The following PDE7B variants were observed in gnomAD, a reference collection of about 807,000 sequenced individuals.
The protein encoded by PDE7B is phosphodiesterase 7B.
A neutral mutation model predicts 56.2 loss-of-function variants in PDE7B; 29 were observed. The observed-to-expected ratio is 0.52, with a 90% confidence interval of 0.38 to 0.70. The LOEUF (loss-of-function observed/expected upper bound fraction) is 0.70. Among genes scored for constraint, PDE7B ranks in the 30% least tolerant of loss-of-function variants. The pLI, the probability that PDE7B is intolerant of heterozygous loss-of-function variation, is 0.00. For synonymous variants in PDE7B, 197 were observed against 196.9 expected (o/e 1.00, Z 0.00); for missense variants, 490 against 565.0 (o/e 0.87, Z 1.35).
chr6:136,002,091 A>G (rs1415415309), intron 2 of PDE7B, among the ~76,000 whole-genome samples: 2 of 152,226 alleles, frequency 1.3e-5, no homozygotes, highest in Non-Finnish European at 2.9e-5. Context: ...TTTCATATCC[A>G]GTGAAACTAA....
At chr6:135,991,394 G>A (rs1349382690) in intron 2 of PDE7B, among the ~76,000 whole-genome samples, 4 of 145,434 alleles carry the variant, frequency 2.8e-5, no homozygotes, top group Non-Finnish European at 6.0e-5. Context: ...ACATCACGTT[G>A]TACACCACAA....
At chr6:135,949,259 T>C (rs1774652017) in intron 2 of PDE7B, among the ~76,000 whole-genome samples, 1 of 152,036 alleles carries the variant, frequency 6.6e-6, no homozygotes, top group African/African-American at 2.4e-5. Context: ...GACTGAATGT[T>C]TCTGTGTCCT....
rs144949624 is a variant in PDE7B, at chr6:135,925,085, C to T, written c.22-22379C>T. On this transcript the variant is annotated intron_variant, in intron 1 of 12. Transcript: ENST00000308191. ...TGAACATTTTTAATAGTTTATATGC[C>T]AACCTGTCTCAAGATATTATTCAAT... Among the ~76,000 whole-genome samples the T allele has an allele frequency of 7.9e-3, 1,187 of 150,658 alleles. 12 individuals carry two copies. Among genetic ancestry groups the T allele is most frequent in the Middle Eastern group, 0.021 (6 of 292 alleles).
intron 2 of PDE7B, among the ~76,000 whole-genome samples, chr6:136,019,473 A>C (rs1215522296): frequency 6.6e-6 from 1 of 152,200 alleles, no homozygotes; most frequent in Non-Finnish European, 1.5e-5. Context: ...CAAGCCACAG[A>C]TACACAAAAC....
intron 2 of PDE7B, among the ~76,000 whole-genome samples, chr6:136,080,576 T>C (rs1212664634): frequency 1.3e-5 from 2 of 152,212 alleles, no homozygotes; most frequent in East Asian, 3.8e-4. Flanking sequence ...TCTCACTTGT[T>C]GTAAACTGTC....
At chr6:135,890,998 A>G (rs1341980595) in intron 1 of PDE7B, among the ~76,000 whole-genome samples, 1 of 152,212 alleles carries the variant, frequency 6.6e-6, no homozygotes, top group Non-Finnish European at 1.5e-5. Flanking sequence ...GCTCTTGTTT[A>G]ACATGCTTCT....
At chr6:135,898,617 T>A (rs1775943505) in intron 1 of PDE7B, among the ~76,000 whole-genome samples, 1 of 152,188 alleles carries the variant, frequency 6.6e-6, no homozygotes, top group Non-Finnish European at 1.5e-5. Flanking sequence ...TTTCACAAAA[T>A]TTTAAATTAT....
chr6:136,019,316 A>G (rs1351637441), intron 2 of PDE7B, among the ~76,000 whole-genome samples: 1 of 152,156 alleles, frequency 6.6e-6, no homozygotes, highest in Non-Finnish European at 1.5e-5. Context: ...TTCATTGAAT[A>G]TATGTAATTT....
At chr6:136,166,056 C>T (rs899215929) in intron 8 of PDE7B, among the ~76,000 whole-genome samples, 1 of 152,178 alleles carries the variant, frequency 6.6e-6, no homozygotes, top group Non-Finnish European at 1.5e-5. Flanking sequence ...ACAGCACTTA[C>T]ATGACCATTG....
chr6:136,155,482 C>T (rs1778587907), intron 7 of PDE7B, 145 bp from the exon 8 acceptor site: 2 of 667,310 alleles, frequency 3.0e-6, no homozygotes, highest in African/African-American at 1.8e-5. Context: ...TGACTATCAC[C>T]TCATTTAATG....
chr6:135,891,795 G>T (rs903264826), intron 1 of PDE7B, among the ~76,000 whole-genome samples: 5 of 152,136 alleles, frequency 3.3e-5, no homozygotes, highest in Non-Finnish European at 7.4e-5. Flanking sequence ...CCAGTAGATT[G>T]CAAACTCTTT....
chr6:136,151,215 C>T lies in PDE7B; in HGVS notation c.438C>T (p.His146=). The T allele has an allele frequency of 6.2e-7, 1 of 1,611,010 alleles. No individual in the cohort carries two copies. Among genetic ancestry groups the T allele is most frequent in the Admixed American group, 1.7e-5 (1 of 60,008 alleles). The change falls in exon 6 of 13, where the codon CAC becomes CAT. Residue 146 remains histidine (H), a synonymous_variant. Transcript: ENST00000308191. ...TCTTCAATACCCATGGACTCATTCA[C>T]CATTTCAAGTTAGATATGGTGACCT... ...CHLFNTHGLI[H]HFKLDMVTLH...
rs201669020 is a variant in PDE7B at position 136,030,171 on chromosome 6, AAC to A, written c.83-78556_83-78555del. ...AATCAGGAAAGACAATGGAAAAAAT[AAC>A]ACAGTGAACTGTGTTTCCAATTACC... On this transcript the variant is annotated intron_variant, in intron 2 of 12. Coordinates refer to ENST00000308191, the MANE Select transcript of PDE7B (RefSeq NM_018945.4). Among the ~76,000 whole-genome samples, 1,146 of 152,348 alleles carry A rather than the reference AAC, an allele frequency of 7.5e-3. 9 individuals are homozygous for A. The highest frequency in any genetic ancestry group is 0.034 in the Middle Eastern group (10 of 294).
chr6:136,181,479 A>G (rs1779066668), intron 11 of PDE7B, among the ~76,000 whole-genome samples, 156 bp downstream of exon 11: 1 of 152,228 alleles, frequency 6.6e-6, no homozygotes, highest in Admixed American at 6.5e-5. Flanking sequence ...GAACTCATCC[A>G]ACCCTTTTTC....
At chr6:135,966,605 T>C (rs1775001544) in intron 2 of PDE7B, among the ~76,000 whole-genome samples, 1 of 152,168 alleles carries the variant, frequency 6.6e-6, no homozygotes, top group African/African-American at 2.4e-5. Context: ...CATGAGAGAT[T>C]GGTTCATCAC....
At chr6:135,881,959 C>A (rs560588635) in intron 1 of PDE7B, among the ~76,000 whole-genome samples, 1 of 152,222 alleles carries the variant, frequency 6.6e-6, no homozygotes, top group Admixed American at 6.5e-5. Context: ...TTCCCACATG[C>A]GTGTTTAATT....
chr6:135,900,092 C>A (rs1025911906), intron 1 of PDE7B, among the ~76,000 whole-genome samples: 1 of 151,970 alleles, frequency 6.6e-6, no homozygotes, highest in African/African-American at 2.4e-5. Context: ...AACTTTTCCC[C>A]CGTGTGTTCT....
intron 1 of PDE7B, among the ~76,000 whole-genome samples, chr6:135,934,084 G>A (rs141383334): frequency 1.3e-4 from 20 of 152,226 alleles, no homozygotes; most frequent in African/African-American, 2.9e-4. Flanking sequence ...ATACTAGAGC[G>A]TAAGTACTAA....
At chr6:136,011,110 A>T (rs1775885136) in intron 2 of PDE7B, among the ~76,000 whole-genome samples, 1 of 152,192 alleles carries the variant, frequency 6.6e-6, no homozygotes, top group South Asian at 2.1e-4. Context: ...ATGAAAAAAG[A>T]GATTCTTAAT....
Sources: gnomAD v4.1 joint callset for allele counts (sites outside exome capture counted in the v4.1 genomes callset) on GRCh38, gnomAD v4.1.1 for gene constraint, MANE v1.5 for transcripts, NCBI Gene and HGNC (gene_info 2026-07-23, HGNC 2026-07-21) for gene names.